NLRP2: variants seen among roughly 807,000 people sequenced by gnomAD.
NLRP2 encodes the protein NLR family pyrin domain containing 2, also known as NACHT, LRR and PYD domains-containing protein 2.
Under a neutral mutation model 97.2 loss-of-function variants are expected in NLRP2, and 107 were observed. The observed-to-expected ratio is 1.10, with a 90% CI of 0.94 to 1.29. The LOEUF is 1.29. Among genes scored for constraint, NLRP2 ranks in the 50% most tolerant of loss-of-function variants. The pLI, the probability that NLRP2 is intolerant of heterozygous loss-of-function variation, is 0.00. For synonymous variants in NLRP2, 663 were observed against 551.5 expected (o/e 1.20, Z -2.83); for missense variants, 1,495 against 1,330.3 (o/e 1.12, Z -1.93).
chr19:54,985,698 A>G (rs888206381), intron 7 of NLRP2, among the ~76,000 whole-genome samples: 5 of 142,424 alleles, frequency 3.5e-5, no homozygotes, highest in Non-Finnish European at 6.0e-5. Context: ...AAAAAAAAAA[A>G]GAAAAAGAAA....
chr19:54,990,174 G>A lies in NLRP2; in HGVS notation c.2519G>A (p.Cys840Tyr). The change falls in exon 9 of 13, where the codon TGC becomes TAC. Residue 840 changes from cysteine (C) to tyrosine (Y), a missense_variant. Transcript: ENST00000448584. Reference protein sequence around the residue: ...LLYTTLRHPKCFLQRLSLENC... With the variant: ...LLYTTLRHPKYFLQRLSLENC... ...TACACAACTTTGAGACACCCCAAGT[G>A]CTTTCTGCAGAGGTTGTCGTAAGTC... 1.9e-6 allele frequency: 3 copies of A among 1,614,122 alleles called. No homozygotes were observed. Among genetic ancestry groups the A allele is most frequent in the Non-Finnish European group, 2.5e-6 (3 of 1,180,020 alleles).
At chr19:54,968,713 T>TTTTTTTTTTTTTA (rs1454134577) in intron 1 of NLRP2, among the ~76,000 whole-genome samples, 1 of 135,666 alleles carries the variant, frequency 7.4e-6, no homozygotes, top group Non-Finnish European at 1.6e-5. Context: ...TTTTTTTTTT[T>TTTTTTTTTTTTTA]GAGACAGTTT....
chr19:54,981,481 G>T, intron 4 of NLRP2, 136 bp from the exon 5 acceptor site: 1 of 689,222 alleles, frequency 1.5e-6, no homozygotes, highest in Non-Finnish European at 2.6e-6. Context: ...AAACACATTT[G>T]TAGCTTATTT....
rs558518586 is a variant in NLRP2, at chr19:54,975,106, G to GTTTTTTTTTTTTTT, written c.325+586_325+599dup. Among the ~76,000 whole-genome samples, 84 of 58,696 alleles carry GTTTTTTTTTTTTTT rather than the reference G, an allele frequency of 1.4e-3. 12 individuals carry two copies. Among genetic ancestry groups the GTTTTTTTTTTTTTT allele is most frequent in the Non-Finnish European group, 2.2e-3 (64 of 28,946 alleles). The allele number at this position is 58,696 out of a possible 152,430, so 38.5% of individuals were successfully genotyped here. A position where few individuals can be genotyped will look rare whatever the true frequency, so the allele number is the denominator to read the frequency against. On this transcript the variant is annotated intron_variant, in intron 3 of 12. Transcript: ENST00000448584. The stretch of plus-strand genomic sequence containing the variant: ...ATGAGCCACCACCACACCCGGTTTT[G>GTTTTTTTTTTTTTT]TTTTTTTTTTTTTTTTTTTTTTTTT...
At chr19:54,990,834 A>G in intron 10 of NLRP2, 162 bp downstream of exon 10, 1 of 721,554 alleles carries the variant, frequency 1.4e-6, no homozygotes, top group Non-Finnish European at 2.5e-6. Context: ...GTAGGAAAAA[A>G]GTATAAGTAG....
chr19:54,997,242 A>AG (rs2072879202), intron 11 of NLRP2, 75 bp from the exon 12 acceptor site: 4 of 1,467,360 alleles, frequency 2.7e-6, no homozygotes, highest in Non-Finnish European at 3.8e-6. Flanking sequence ...CCAACACACG[A>AG]GGGTGGGCTT....
rs61735077 is a variant in NLRP2 at position 54,982,758 on chromosome 19, A to G, written c.1060A>G (p.Ile354Val). Reference protein sequence around the residue: ...LRILAEEPIYIRVEGFLEEDR... With the variant: ...LRILAEEPIYVRVEGFLEEDR... The stretch of plus-strand genomic sequence containing the variant: ...GATCCTGGCGGAGGAGCCGATCTAC[A>G]TAAGGGTGGAGGGCTTCCTGGAGGA... Residue 354 changes from isoleucine (I) to valine (V), a missense_variant, in exon 6 of 13, where the codon ATA becomes GTA. Ile to Val is a conservative substitution (Grantham distance 29). Transcript: ENST00000448584. 5.6e-3 allele frequency: 9,109 copies of G among 1,614,114 alleles called. 42 individuals carry two copies. Among genetic ancestry groups the G allele is most frequent in the Middle Eastern group, 0.012 (73 of 6,052 alleles).
At chr19:54,984,225 T>G (rs35347198) in intron 6 of NLRP2, among the ~76,000 whole-genome samples, 30,188 of 151,242 alleles carry the variant, frequency 0.2, 3,492 homozygotes, top group Non-Finnish European at 0.26. Flanking sequence ...GCTCACTGCA[T>G]CCTCAAACTT....
chr19:54,992,065 C>T (rs1016006820), intron 10 of NLRP2, among the ~76,000 whole-genome samples: 3 of 150,870 alleles, frequency 2.0e-5, no homozygotes, highest in Non-Finnish European at 4.4e-5. Flanking sequence ...TACAGGCACT[C>T]ACCACCACGC....
chr19:54,990,230 G>T (rs751598220), intron 9 of NLRP2, 38 bp downstream of exon 9: 1 of 1,604,466 alleles, frequency 6.2e-7, no homozygotes, highest in Non-Finnish European at 8.5e-7. Context: ...CTGTGCTTTC[G>T]ATCTGGGGCC....
chr19:54,981,532 C>CAA, intron 4 of NLRP2, 85 bp from the exon 5 acceptor site: 1 of 552,866 alleles, frequency 1.8e-6, no homozygotes, highest in Non-Finnish European at 3.4e-6. Context: ...CCCGCCCCAT[C>CAA]AGCCTGCCTC....
chr19:54,969,903 G>C, intron 1 of NLRP2, 96 bp from the exon 2 acceptor site: 1 of 1,196,786 alleles, frequency 8.4e-7, no homozygotes, highest in African/African-American at 1.5e-5. Flanking sequence ...AGGGTAGATG[G>C]TGAGTGTCCT....
At chr19:54,972,674 C>A (rs1198944577) in intron 2 of NLRP2, among the ~76,000 whole-genome samples, 1 of 151,942 alleles carries the variant, frequency 6.6e-6, no homozygotes, top group South Asian at 2.1e-4. Context: ...CCAGGCTGGT[C>A]TCGAACTTCT....
intron 2 of NLRP2, among the ~76,000 whole-genome samples, chr19:54,972,664 C>G (rs1022798487): frequency 6.6e-6 from 1 of 151,818 alleles, no homozygotes; most frequent in African/African-American, 2.4e-5. Context: ...ACCATGTTGC[C>G]CAGGCTGGTC....
At chr19:54,976,875 A>G in intron 3 of NLRP2, 1 of 391,344 alleles carries the variant, frequency 2.6e-6, no homozygotes, top group Non-Finnish European at 4.8e-6. Flanking sequence ...AGTGCAGTGG[A>G]GCGATCTTGG....
chr19:54,968,118 A>C (rs368026037), intron 1 of NLRP2, among the ~76,000 whole-genome samples: 1 of 151,898 alleles, frequency 6.6e-6, no homozygotes, highest in Non-Finnish European at 1.5e-5. Context: ...GGGTTTCACT[A>C]TGTTGGCCAG....
intron 4 of NLRP2, among the ~76,000 whole-genome samples, chr19:54,979,503 C>CATT (rs1172319100): frequency 3.3e-5 from 5 of 151,820 alleles, no homozygotes; most frequent in Non-Finnish European, 7.4e-5. Context: ...CCACATCTGG[C>CATT]TAATTTTTGC....
chr19:55,000,916 A>G lies in NLRP2; in HGVS notation c.*18A>G. ...TGATCTGAATCCCCCCGAGTCATTC[A>G]TTCTCCATGAAGTCATCGATTTTCC... On this transcript the variant is annotated 3_prime_UTR_variant, in exon 13 of 13. Coordinates refer to ENST00000448584, the MANE Select transcript of NLRP2 (RefSeq NM_017852.5). 1 of 1,613,058 alleles carries G rather than the reference A, an allele frequency of 6.2e-7. No homozygotes were observed.
At chr19:54,975,478 GTC>G (rs1353510731) in intron 3 of NLRP2, among the ~76,000 whole-genome samples, 1 of 141,190 alleles carries the variant, frequency 7.1e-6, no homozygotes, top group Non-Finnish European at 1.5e-5. Flanking sequence ...TTGAGATAGA[GTC>G]TCTCTCTGTT....
Sources: gnomAD v4.1 joint callset for allele counts (sites outside exome capture counted in the v4.1 genomes callset) on GRCh38, gnomAD v4.1.1 for gene constraint, MANE v1.5 for transcripts, NCBI Gene and HGNC (gene_info 2026-07-23, HGNC 2026-07-21) for gene names.